Variants in ANK3 observed in about 807,000 individuals in gnomAD.
ANK3 encodes the protein ankyrin 3.
Under a neutral mutation model 370.9 loss-of-function variants are expected in ANK3, and 57 were observed. The ratio of observed to expected loss-of-function variants is 0.15; its 90% CI spans 0.12 to 0.19. The LOEUF is 0.19. Among genes scored for constraint, ANK3 ranks in the 10% least tolerant of loss-of-function variants. ANK3 has a pLI of 1.00. For missense variants in ANK3, 4,439 were observed against 5,302.1 expected, an observed-to-expected ratio of 0.84 and a Z score of 5.06; for synonymous variants, 1,929 against 1,946.3, an observed-to-expected ratio of 0.99 and a Z score of 0.23.
intron 1 of ANK3, among the ~76,000 whole-genome samples, chr10:60,659,697 G>C (rs76463603): frequency 0.34 from 52,026 of 151,906 alleles, 9,103 homozygotes; most frequent in African/African-American, 0.39. Context: ...CTAAGGAAAA[G>C]ACTGCCCCTT....
intron 2 of ANK3, among the ~76,000 whole-genome samples, chr10:60,433,663 A>AGTAGG (rs1306270933): frequency 6.6e-6 from 1 of 152,184 alleles, no homozygotes; most frequent in Non-Finnish European, 1.5e-5. Context: ...TGACAAAGGA[A>AGTAGG]GTAGGGAGGT....
rs1019594924 is a variant in ANK3, at chr10:60,071,449, G to A, written c.9432C>T (p.Pro3144=). The stretch of plus-strand genomic sequence containing the variant: ...GAGTATCATCTTCTGGACTACCTTG[G>A]GGAGAAGGAGGTTGCTTTTGCTGTC... The part of the protein sequence containing the change: ...TTRQQKQPPS[P]QGSPEDDTLE... Residue 3144 remains proline, a synonymous_variant, in exon 37 of 44, where the codon CCC becomes CCT. Coordinates refer to ENST00000280772, the MANE Select transcript of ANK3 (RefSeq NM_020987.5). 4 of 1,614,004 alleles carry A rather than the reference G, an allele frequency of 2.5e-6. No homozygotes were observed. Among genetic ancestry groups the A allele is most frequent in the Non-Finnish European group, 3.4e-6 (4 of 1,179,978 alleles).
At chr10:60,387,562 G>T (rs1291721467) in intron 1 of ANK3, among the ~76,000 whole-genome samples, 4 of 152,294 alleles carry the variant, frequency 2.6e-5, no homozygotes, top group Non-Finnish European at 1.5e-5. Context: ...AGCAATGAAA[G>T]TGTTATCCAT....
intron 1 of ANK3, among the ~76,000 whole-genome samples, chr10:60,349,164 C>T (rs1206159185): frequency 6.6e-6 from 1 of 152,178 alleles, no homozygotes; most frequent in African/African-American, 2.4e-5. Context: ...ATTTTTGCTG[C>T]AAACTGTTTA....
intron 2 of ANK3, among the ~76,000 whole-genome samples, chr10:60,461,312 AAAT>A (rs1469407260): frequency 1.3e-5 from 2 of 152,198 alleles, no homozygotes; most frequent in Non-Finnish European, 2.9e-5. Context: ...TTACACTACC[AAAT>A]AATAATAATT....
At chr10:60,410,326 GC>G (rs2063534054) in intron 2 of ANK3, among the ~76,000 whole-genome samples, 1 of 151,988 alleles carries the variant, frequency 6.6e-6, no homozygotes, top group African/African-American at 2.4e-5. Flanking sequence ...AACTTTACAT[GC>G]TTTTTGTGTG....
At chr10:60,439,057 A>G (rs545707824) in intron 2 of ANK3, among the ~76,000 whole-genome samples, 4 of 152,312 alleles carry the variant, frequency 2.6e-5, no homozygotes, top group African/African-American at 7.2e-5. Context: ...TCCTAAACAC[A>G]AACCAGCCAA....
intron 1 of ANK3, among the ~76,000 whole-genome samples, chr10:60,708,481 C>T (rs146803817): frequency 1.3e-5 from 2 of 152,152 alleles, no homozygotes; most frequent in Non-Finnish European, 2.9e-5. Context: ...TTTTTACCTC[C>T]AAGAGCCCCA....
At chr10:60,599,764 G>A (rs1270865049) in intron 2 of ANK3, among the ~76,000 whole-genome samples, 4 of 152,206 alleles carry the variant, frequency 2.6e-5, no homozygotes, top group Middle Eastern at 3.4e-3. Context: ...TAAAACTCAT[G>A]TCCCTCTCCT....
intron 2 of ANK3, among the ~76,000 whole-genome samples, chr10:60,536,492 C>A (rs757086642): frequency 6.6e-6 from 1 of 151,986 alleles, no homozygotes. Flanking sequence ...GGAAACATTG[C>A]CTTCATAAAA....
chr10:60,440,533 A>C (rs1157161427), intron 2 of ANK3, among the ~76,000 whole-genome samples: 1 of 151,960 alleles, frequency 6.6e-6, no homozygotes, highest in Non-Finnish European at 1.5e-5. Flanking sequence ...GCATGGGGGG[A>C]ACCACCCCCA....
Position 60,660,214 on chromosome 10 carries a change from C to T in ANK3, c.58-44990G>A, listed in dbSNP as rs118070465. 1.9e-3 allele frequency among the ~76,000 whole-genome samples: 293 copies of T among 152,228 alleles called. 2 individuals carry two copies. The highest frequency in any genetic ancestry group is 3.1e-3 in the Non-Finnish European group (213 of 68,010). ...TTATTCAACGTCCTATTCACTGAAG[C>T]TCCTACCACATGCAGGCACTAAAAT... On this transcript the variant is annotated intron_variant, in intron 1 of 43. Transcript: ENST00000373827.
intron 2 of ANK3, among the ~76,000 whole-genome samples, chr10:60,556,428 T>G (rs1254662057): frequency 6.6e-6 from 1 of 152,150 alleles, no homozygotes; most frequent in Non-Finnish European, 1.5e-5. Context: ...AGTTTATACT[T>G]CAATTACAAA....
At chr10:60,718,167 C>T (rs138423174) in intron 1 of ANK3, among the ~76,000 whole-genome samples, 1 of 152,260 alleles carries the variant, frequency 6.6e-6, no homozygotes, top group East Asian at 1.9e-4. Context: ...TGTTTACATA[C>T]TAAGTTAGGT....
At chr10:60,563,275 A>G (rs578256000) in intron 2 of ANK3, among the ~76,000 whole-genome samples, 143 of 152,278 alleles carry the variant, frequency 9.4e-4, no homozygotes, top group African/African-American at 3.3e-3. Flanking sequence ...GACCTTTGCT[A>G]TAGTGCTTGG....
intron 1 of ANK3, among the ~76,000 whole-genome samples, chr10:60,705,584 C>T (rs1472503591): frequency 1.3e-5 from 2 of 152,096 alleles, no homozygotes; most frequent in Admixed American, 6.5e-5. Context: ...GAATTTATGA[C>T]ACGTTTCCTT....
chr10:60,085,034 C>A, intron 31 of ANK3, 123 bp downstream of exon 31: 2 of 842,232 alleles, frequency 2.4e-6, no homozygotes, highest in African/African-American at 1.7e-5. Flanking sequence ...TTTTGATAAG[C>A]AAATACTACG....
chr10:60,198,541 A>T lies in ANK3; in HGVS notation c.1492-4T>A. 2 of 1,613,950 alleles carry T rather than the reference A, an allele frequency of 1.2e-6. No individual in the cohort carries two copies. The highest frequency in any genetic ancestry group is 2.2e-5 in the South Asian group (2 of 91,076). On this transcript the variant is annotated splice_polypyrimidine_tract_variant and splice_region_variant and intron_variant, in intron 13 of 43. Coordinates refer to ENST00000280772, the MANE Select transcript of ANK3 (RefSeq NM_020987.5). Reference sequence around the variant, plus strand: ...TGTGGAGTGGTGTTTGGTCATCCTAAACAGCAAGGTAGAAATGTAAGGCTG... The same window carrying T: ...TGTGGAGTGGTGTTTGGTCATCCTATACAGCAAGGTAGAAATGTAAGGCTG...
rs7092028 is a variant in ANK3 at position 60,132,750 on chromosome 10, G to A, written c.2841+1521C>T. ...TCCTGCCTCAGCCTCCCGAGTAGCT[G>A]AGATTACAGATGCCCACCACGACAC... On this transcript the variant is annotated intron_variant, in intron 25 of 43. Transcript: ENST00000280772. 6.3e-3 allele frequency among the ~76,000 whole-genome samples: 951 copies of A among 152,010 alleles called. 10 individuals are homozygous for A. The highest frequency in any genetic ancestry group is 0.022 in the African/African-American group (897 of 41,468).
Sources: gnomAD v4.1 joint callset for allele counts (sites outside exome capture counted in the v4.1 genomes callset) on GRCh38, gnomAD v4.1.1 for gene constraint, MANE v1.5 for transcripts, NCBI Gene and HGNC (gene_info 2026-07-23, HGNC 2026-07-21) for gene names.